STK32B: variants seen among roughly 807,000 people sequenced by gnomAD.
STK32B encodes the protein serine/threonine kinase 32B.
STK32B carries 43 observed loss-of-function variants against 52.6 expected under a neutral mutation model. The ratio of observed to expected loss-of-function variants is 0.82; its 90% confidence interval spans 0.64 to 1.05. The LOEUF (loss-of-function observed/expected upper bound fraction) is 1.05. STK32B is among the 50% of genes least tolerant of loss of function. The pLI, the probability that STK32B is intolerant of heterozygous loss-of-function variation, is 0.00. For missense variants in STK32B, 621 were observed against 534.6 expected, an observed-to-expected ratio of 1.16 and a Z score of -1.59; for synonymous variants, 238 against 204.3, an observed-to-expected ratio of 1.17 and a Z score of -1.41.
At chr4:5,293,639 G>GT (rs1403672895) in intron 3 of STK32B, among the ~76,000 whole-genome samples, 5 of 151,884 alleles carry the variant, frequency 3.3e-5, no homozygotes, top group South Asian at 2.1e-4. Flanking sequence ...GGGGCTGTTT[G>GT]TTTTTTTCTT....
At chr4:5,311,186 C>A (rs575211539) in intron 3 of STK32B, among the ~76,000 whole-genome samples, 2 of 152,198 alleles carry the variant, frequency 1.3e-5, no homozygotes, top group Admixed American at 1.3e-4. Context: ...TAGTTAACAA[C>A]AATTTATTGT....
chr4:5,200,791 C>T (rs2108775193), intron 3 of STK32B, among the ~76,000 whole-genome samples: 1 of 152,288 alleles, frequency 6.6e-6, no homozygotes, highest in Middle Eastern at 3.4e-3. Flanking sequence ...AGCATCACAT[C>T]AATGGGGAAG....
chr4:5,211,244 A>T (rs1722885663), intron 3 of STK32B, among the ~76,000 whole-genome samples: 1 of 152,220 alleles, frequency 6.6e-6, no homozygotes, highest in South Asian at 2.1e-4. Flanking sequence ...CTTTTCCACA[A>T]ATACACATTA....
At chr4:5,442,349 C>T (rs1346442584) in intron 6 of STK32B, among the ~76,000 whole-genome samples, 1 of 152,072 alleles carries the variant, frequency 6.6e-6, no homozygotes, top group Non-Finnish European at 1.5e-5. Flanking sequence ...ATCCCTTTAC[C>T]ATTATGTAAT....
intron 1 of STK32B, among the ~76,000 whole-genome samples, chr4:5,063,925 A>G (rs1742312746): frequency 2.0e-5 from 3 of 152,104 alleles, no homozygotes; most frequent in Admixed American, 6.6e-5. Context: ...GTGTCTTTAT[A>G]TATTCAGTTC....
chr4:5,102,532 ACTTT>A (rs1320969954), intron 1 of STK32B, among the ~76,000 whole-genome samples: 66 of 90,606 alleles, frequency 7.3e-4, no homozygotes, highest in African/African-American at 2.6e-3. Flanking sequence ...TTCTTTCTTT[ACTTT>A]CTTTCTTTCT....
At chr4:5,185,756 C>T (rs191512831) in intron 3 of STK32B, among the ~76,000 whole-genome samples, 151 of 152,334 alleles carry the variant, frequency 9.9e-4, no homozygotes, top group East Asian at 1.3e-3. Flanking sequence ...CTTATCAAAG[C>T]GTAAGTCTGT....
At chr4:5,065,997 TAC>T (rs1560133999) in intron 1 of STK32B, among the ~76,000 whole-genome samples, 1 of 152,212 alleles carries the variant, frequency 6.6e-6, no homozygotes, top group Non-Finnish European at 1.5e-5. Flanking sequence ...GTGCTGGGAT[TAC>T]AGGTGTGAGC....
chr4:5,426,711 A>G (rs1713137945), intron 6 of STK32B, among the ~76,000 whole-genome samples: 1 of 149,374 alleles, frequency 6.7e-6, no homozygotes, highest in Non-Finnish European at 1.5e-5. Context: ...AAAAAAAAAA[A>G]AAAGGAAAAG....
chr4:5,166,799 C>T lies in STK32B; in HGVS notation c.109-1500C>T, dbSNP rs138929498. The stretch of plus-strand genomic sequence containing the variant: ...TACTGTTACAGCAACCTGAGGAACC[C>T]ACACAATCCCTTATCGAGGTGTTGG... On this transcript the variant is annotated intron_variant, in intron 2 of 11. Transcript: ENST00000282908. 2.8e-3 allele frequency among the ~76,000 whole-genome samples: 422 copies of T among 152,200 alleles called. 1 individual carries two copies. The highest frequency in any genetic ancestry group is 9.5e-3 in the African/African-American group (395 of 41,522).
At chr4:5,037,790 A>G in the STK32B span, among the ~76,000 whole-genome samples, 1 of 152,188 alleles carries the variant, frequency 6.6e-6, no homozygotes, top group Non-Finnish European at 1.5e-5. Flanking sequence ...CTACTCAGCT[A>G]TGACACTGCT....
chr4:5,165,775 C>T (rs976346754), intron 2 of STK32B, among the ~76,000 whole-genome samples: 4 of 152,196 alleles, frequency 2.6e-5, no homozygotes, highest in African/African-American at 4.8e-5. Context: ...TTTATATTCT[C>T]ACGTTCACTA....
chr4:5,042,702 G>T, the STK32B span, among the ~76,000 whole-genome samples: 1 of 152,208 alleles, frequency 6.6e-6, no homozygotes, highest in Admixed American at 6.5e-5. Context: ...GATTGAAAAT[G>T]AACCTTGCAG....
intron 4 of STK32B, among the ~76,000 whole-genome samples, chr4:5,364,978 C>T (rs770548990): frequency 5.3e-5 from 8 of 152,156 alleles, no homozygotes; most frequent in Non-Finnish European, 1.2e-4. Context: ...TGGGTCCAAG[C>T]GATTCTCCTG....
intron 3 of STK32B, among the ~76,000 whole-genome samples, chr4:5,323,313 G>A (rs935474109): frequency 6.6e-6 from 1 of 152,122 alleles, no homozygotes; most frequent in African/African-American, 2.4e-5. Context: ...CACCAGCCAG[G>A]CCCTGGCTGT....
chr4:5,253,774 G>A (rs1411744837), intron 3 of STK32B, among the ~76,000 whole-genome samples: 3 of 152,196 alleles, frequency 2.0e-5, no homozygotes, highest in Non-Finnish European at 4.4e-5. Context: ...AAACATCTAA[G>A]ATGGTGAATT....
chr4:5,435,583 A>G (rs1713993052), intron 6 of STK32B: 1 of 152,252 alleles, frequency 6.6e-6, no homozygotes, highest in East Asian at 1.9e-4. Context: ...AGCAGGATGT[A>G]AAGAGCTTAG....
chr4:5,131,859 A>G (rs562451405), intron 1 of STK32B, among the ~76,000 whole-genome samples: 1 of 152,230 alleles, frequency 6.6e-6, no homozygotes, highest in African/African-American at 2.4e-5. Flanking sequence ...AAGGAAGAAT[A>G]ACTGCTCCTC....
intron 3 of STK32B, among the ~76,000 whole-genome samples, chr4:5,185,921 A>G (rs1229125714): frequency 6.6e-6 from 1 of 151,998 alleles, no homozygotes; most frequent in Non-Finnish European, 1.5e-5. Flanking sequence ...CGTCCATACT[A>G]ACTGGTTTGT....
Sources: allele counts gnomAD v4.1 joint callset (sites outside exome capture counted in the v4.1 genomes callset), GRCh38; gene constraint gnomAD v4.1.1; transcripts MANE v1.5; gene names NCBI Gene and HGNC (gene_info 2026-07-23, HGNC 2026-07-21).